GRB10: variants seen among roughly 807,000 people sequenced by gnomAD.
The protein encoded by GRB10 is growth factor receptor bound protein 10.
GRB10 carries 20 observed loss-of-function variants against 80.9 expected under a neutral mutation model. The observed-to-expected ratio is 0.25, with a 90% confidence interval of 0.17 to 0.36. The LOEUF is 0.36. GRB10 is among the 10% of genes least tolerant of loss of function. The pLI, the probability that GRB10 is intolerant of heterozygous loss-of-function variation, is 1.00. For synonymous variants in GRB10, 291 were observed against 291.5 expected (o/e 1.00, Z 0.02); for missense variants, 548 against 747.7 (o/e 0.73, Z 3.12).
intron 7 of GRB10, among the ~76,000 whole-genome samples, chr7:50,642,790 A>C (rs1367184771): frequency 1.3e-5 from 2 of 152,192 alleles, no homozygotes. Context: ...TACATACATT[A>C]GTTTTCTATT....
At chr7:50,625,449 C>T (rs1413351973) in intron 8 of GRB10, among the ~76,000 whole-genome samples, 1 of 152,036 alleles carries the variant, frequency 6.6e-6, no homozygotes, top group Non-Finnish European at 1.5e-5. Context: ...GAAGGTTTCC[C>T]ACTGCTGTCT....
At chr7:50,593,836 T>G (rs1385590472) in intron 18 of GRB10, among the ~76,000 whole-genome samples, 1 of 152,188 alleles carries the variant, frequency 6.6e-6, no homozygotes, top group Non-Finnish European at 1.5e-5. Flanking sequence ...CTAAAACCAT[T>G]GCTAGAGCTA....
At chr7:50,757,419 G>C (rs2075235320) in intron 2 of GRB10, among the ~76,000 whole-genome samples, 1 of 152,240 alleles carries the variant, frequency 6.6e-6, no homozygotes, top group African/African-American at 2.4e-5. Flanking sequence ...TTTCAGGTGT[G>C]AAACACACCA....
At chr7:50,599,871 C>T (rs2047307307) in intron 17 of GRB10, among the ~76,000 whole-genome samples, 1 of 152,192 alleles carries the variant, frequency 6.6e-6, no homozygotes. Context: ...CCTTTCAATC[C>T]AAAGTGGACA....
At chr7:50,595,981 A>G (rs2046581227) in intron 17 of GRB10, 1 of 157,322 alleles carries the variant, frequency 6.4e-6, no homozygotes, top group Non-Finnish European at 1.4e-5. Context: ...GTATTATTTA[A>G]AAATAAATAA....
intron 7 of GRB10, chr7:50,645,600 C>T (rs1449753117): frequency 3.0e-6 from 3 of 985,318 alleles, no homozygotes; most frequent in Non-Finnish European, 3.6e-6. Flanking sequence ...ACATCTTACC[C>T]CCATCCTCCA....
At chr7:50,635,086 T>TG (rs950723138) in intron 7 of GRB10, among the ~76,000 whole-genome samples, 2 of 51,514 alleles carry the variant, frequency 3.9e-5, no homozygotes, top group Non-Finnish European at 8.7e-5. Flanking sequence ...AGAATATACA[T>TG]TTTTCTCATC....
chr7:50,747,664 T>C (rs2073217390), intron 3 of GRB10: 1 of 152,124 alleles, frequency 6.6e-6, no homozygotes, highest in South Asian at 2.1e-4. Flanking sequence ...GACCCCAGCT[T>C]CTCTGCTGAA....
At chr7:50,697,466 T>A (rs2063582946) in intron 5 of GRB10, among the ~76,000 whole-genome samples, 1 of 152,200 alleles carries the variant, frequency 6.6e-6, no homozygotes, top group South Asian at 2.1e-4. Flanking sequence ...GCTGCTTACA[T>A]TAGTTAGGAA....
At chr7:50,607,016 C>T (rs949066819) in intron 13 of GRB10, 8 of 154,296 alleles carry the variant, frequency 5.2e-5, no homozygotes, top group African/African-American at 1.9e-4. Flanking sequence ...TTGCACTACA[C>T]ACAACGAAAA....
At chr7:50,725,535 A>G (rs1312325360) in intron 4 of GRB10, among the ~76,000 whole-genome samples, 1 of 152,208 alleles carries the variant, frequency 6.6e-6, no homozygotes, top group African/African-American at 2.4e-5. Context: ...ACACTTTACA[A>G]CAGAAAAGGC....
At chr7:50,693,543 A>C (rs2063077086) in intron 5 of GRB10, among the ~76,000 whole-genome samples, 4 of 152,220 alleles carry the variant, frequency 2.6e-5, no homozygotes, top group Admixed American at 2.0e-4. Context: ...AGCCTGAAAG[A>C]CATTCCTCAA....
At chr7:50,740,065 T>A (rs1340897633) in intron 3 of GRB10, among the ~76,000 whole-genome samples, 4 of 152,196 alleles carry the variant, frequency 2.6e-5, no homozygotes, top group African/African-American at 9.7e-5. Context: ...TTTTGTTATT[T>A]AGCCACAAAT....
intron 3 of GRB10, among the ~76,000 whole-genome samples, chr7:50,738,612 C>T (rs1259407200): frequency 6.6e-6 from 1 of 152,176 alleles, no homozygotes. Context: ...AGATAAAAAG[C>T]TCACTTCTGA....
intron 5 of GRB10, among the ~76,000 whole-genome samples, chr7:50,685,390 T>C (rs2061999567): frequency 6.6e-6 from 1 of 152,202 alleles, no homozygotes; most frequent in Non-Finnish European, 1.5e-5. Flanking sequence ...AGCTAAAACC[T>C]GCTTCAGTTA....
At chr7:50,608,393 C>G (rs907906503) in intron 13 of GRB10, among the ~76,000 whole-genome samples, 1 of 152,056 alleles carries the variant, frequency 6.6e-6, no homozygotes, top group African/African-American at 2.4e-5. Context: ...GAAAGTGAAA[C>G]AAAAAGTGAG....
chr7:50,695,860 T>G (rs2063359072), intron 5 of GRB10, among the ~76,000 whole-genome samples: 1 of 152,208 alleles, frequency 6.6e-6, no homozygotes. Flanking sequence ...TGCACAATAT[T>G]ACAAGGTGAA....
At chr7:50,709,830 G>A (rs1340818062) in intron 4 of GRB10, among the ~76,000 whole-genome samples, 1 of 152,052 alleles carries the variant, frequency 6.6e-6, no homozygotes, top group Non-Finnish European at 1.5e-5. Context: ...AGGCTCCCAG[G>A]CCCCAGCCAG....
At chr7:50,705,285 T>C (rs1273039615) in intron 4 of GRB10, 5 of 985,696 alleles carry the variant, frequency 5.1e-6, no homozygotes, top group Non-Finnish European at 6.0e-6. Flanking sequence ...GTTTGTTCCC[T>C]GGGAGGCAAA....
Sources: gnomAD v4.1 joint callset for allele counts (sites outside exome capture counted in the v4.1 genomes callset) on GRCh38, gnomAD v4.1.1 for gene constraint, MANE v1.5 for transcripts, NCBI Gene and HGNC (gene_info 2026-07-23, HGNC 2026-07-21) for gene names.